Variants in ZC3H12B observed in about 807,000 individuals in gnomAD.
ZC3H12B encodes probable ribonuclease ZC3H12B.
ZC3H12B carries 7 observed loss-of-function variants against 43.9 expected under a neutral mutation model. The observed-to-expected ratio is 0.16, with a 90% confidence interval of 0.09 to 0.30. ZC3H12B has a LOEUF of 0.30. Among genes scored for constraint, ZC3H12B ranks in the 10% least tolerant of loss-of-function variants. The pLI is 1.00. For missense variants in ZC3H12B, 475 were observed against 670.2 expected (o/e 0.71, Z 3.22); for synonymous variants, 222 against 241.7 (o/e 0.92, Z 0.76).
At chrX:65,126,767 C>G in the ZC3H12B span, among the ~76,000 whole-genome samples, 1 of 101,881 alleles carries the variant, frequency 9.8e-6, no homozygotes, top group Non-Finnish European at 2.0e-5. Flanking sequence ...GCTCTTTCTT[C>G]TGCTTGTTCA....
the ZC3H12B span, among the ~76,000 whole-genome samples, chrX:65,071,835 G>T: frequency 9.0e-6 from 1 of 111,473 alleles, no homozygotes; most frequent in Non-Finnish European, 1.9e-5. Flanking sequence ...TAGTCTGATG[G>T]GCTTCTATTT....
the ZC3H12B span, among the ~76,000 whole-genome samples, chrX:65,277,594 TAAAC>T: frequency 1.4e-4 from 16 of 112,029 alleles, no homozygotes; most frequent in African/African-American, 5.2e-4. Context: ...GAATGGCAGT[TAAAC>T]AACATGCTTT....
chrX:65,301,576 G>T, the ZC3H12B span, among the ~76,000 whole-genome samples: 7 of 110,877 alleles, frequency 6.3e-5, no homozygotes, highest in Admixed American at 6.7e-4. Context: ...TAGTATTGGA[G>T]ACAATTATTC....
At chrX:65,363,224 C>A (rs776917735), upstream of ZC3H12B, among the ~76,000 whole-genome samples, 1 of 111,213 alleles carries the variant, frequency 9.0e-6, no homozygotes, top group African/African-American at 3.3e-5. Context: ...CAACAAGACA[C>A]CCTCCTGCTC....
the ZC3H12B span, among the ~76,000 whole-genome samples, chrX:65,158,479 T>C: frequency 8.9e-6 from 1 of 112,071 alleles, no homozygotes; most frequent in Non-Finnish European, 1.9e-5. Context: ...TGGTGTGAGA[T>C]GGTATGTCAT....
the ZC3H12B span, among the ~76,000 whole-genome samples, chrX:65,157,129 C>T: frequency 9.0e-6 from 1 of 110,750 alleles, no homozygotes; most frequent in Non-Finnish European, 1.9e-5. Flanking sequence ...CTAAAGTGGG[C>T]TCCAACACAC....
the ZC3H12B span, among the ~76,000 whole-genome samples, chrX:65,327,764 G>A: frequency 9.0e-6 from 1 of 111,456 alleles, no homozygotes; most frequent in East Asian, 2.8e-4. Flanking sequence ...TTTCTCTGTC[G>A]TCCATCACTG....
At chrX:65,071,808 A>C in the ZC3H12B span, among the ~76,000 whole-genome samples, 1 of 111,863 alleles carries the variant, frequency 8.9e-6, no homozygotes, top group Non-Finnish European at 1.9e-5. Flanking sequence ...TAGGATTCCT[A>C]CTGAGGCGTC....
At chrX:65,323,014 T>C in the ZC3H12B span, among the ~76,000 whole-genome samples, 1 of 111,984 alleles carries the variant, frequency 8.9e-6, no homozygotes, top group Admixed American at 9.5e-5. Flanking sequence ...TTTTGGTACA[T>C]AGAAACACTA....
the ZC3H12B span, among the ~76,000 whole-genome samples, chrX:65,108,201 G>T: frequency 9.0e-6 from 1 of 111,063 alleles, no homozygotes; most frequent in African/African-American, 3.3e-5. Flanking sequence ...AACACTGTAT[G>T]CTTAGGCTAC....
chrX:65,335,271 G>A, the ZC3H12B span, among the ~76,000 whole-genome samples: 1 of 111,109 alleles, frequency 9.0e-6, no homozygotes, highest in East Asian at 2.8e-4. Flanking sequence ...TTTTTCTGAA[G>A]GAGTCCCAGG....
chrX:65,452,987 C>T (rs922270387), intron 3 of ZC3H12B, among the ~76,000 whole-genome samples: 1 of 110,169 alleles, frequency 9.1e-6, no homozygotes, highest in Non-Finnish European at 1.9e-5. Context: ...ATTCACAGAA[C>T]TAGAAAAAAC....
At chrX:65,291,996 A>G in the ZC3H12B span, among the ~76,000 whole-genome samples, 1 of 112,103 alleles carries the variant, frequency 8.9e-6, no homozygotes, top group South Asian at 3.7e-4. Context: ...GTATGAAACT[A>G]ACAATAAGAT....
chrX:65,346,644 C>A, the ZC3H12B span, among the ~76,000 whole-genome samples: 1 of 111,971 alleles, frequency 8.9e-6, no homozygotes, highest in South Asian at 3.7e-4. Flanking sequence ...AACTAAAGAG[C>A]TTTTAGACAG....
chrX:65,439,313 A>G (rs997639077), intron 3 of ZC3H12B, among the ~76,000 whole-genome samples: 3 of 111,873 alleles, frequency 2.7e-5, no homozygotes, highest in Non-Finnish European at 5.6e-5. Flanking sequence ...AACTTTTGCC[A>G]TACTTCTTAT....
At chrX:65,145,159 C>T in the ZC3H12B span, among the ~76,000 whole-genome samples, 4 of 110,555 alleles carry the variant, frequency 3.6e-5, no homozygotes, top group East Asian at 1.1e-3. Flanking sequence ...GTGTTAGGTG[C>T]ATATATAGTT....
intron 2 of ZC3H12B, among the ~76,000 whole-genome samples, chrX:65,382,987 A>T (rs995992076): frequency 9.0e-6 from 1 of 111,500 alleles, no homozygotes; most frequent in African/African-American, 3.3e-5. Flanking sequence ...TTCCATGCTC[A>T]TGGGTAGGAA....
chrX:65,352,822 T>C, the ZC3H12B span, among the ~76,000 whole-genome samples: 2 of 112,045 alleles, frequency 1.8e-5, no homozygotes, highest in Admixed American at 9.4e-5. Context: ...GTATCTGTTA[T>C]GGTGATCTGC....
the ZC3H12B span, among the ~76,000 whole-genome samples, chrX:65,223,297 C>A: frequency 2.9e-4 from 32 of 108,860 alleles, no homozygotes; most frequent in Non-Finnish European, 5.9e-4. Flanking sequence ...GAGGGAGACG[C>A]CGTCTTAAAA....
Sources: gnomAD v4.1 joint callset for allele counts (sites outside exome capture counted in the v4.1 genomes callset) on GRCh38, gnomAD v4.1.1 for gene constraint, MANE v1.5 for transcripts, NCBI Gene and HGNC (gene_info 2026-07-23, HGNC 2026-07-21) for gene names.